LUC7L2: variants seen among roughly 807,000 people sequenced by gnomAD.
The protein encoded by LUC7L2 is putative RNA-binding protein Luc7-like 2.
LUC7L2 carries 25 observed loss-of-function variants against 52.8 expected under a neutral mutation model. That is an observed-to-expected ratio of 0.47 (90% CI 0.34 to 0.66). The LOEUF (loss-of-function observed/expected upper bound fraction) is 0.66. LUC7L2 is among the 30% of genes least tolerant of loss of function. The pLI is 0.01. For missense variants in LUC7L2, 328 were observed against 497.8 expected, an observed-to-expected ratio of 0.66 and a Z score of 3.25; for synonymous variants, 144 against 160.9, an observed-to-expected ratio of 0.89 and a Z score of 0.80.
chr7:139,388,416 G>C (rs1351089769), intron 2 of LUC7L2, among the ~76,000 whole-genome samples: 1 of 151,946 alleles, frequency 6.6e-6, no homozygotes. Context: ...ATTGGGAAGT[G>C]GTAGAAAAGC....
At chr7:139,415,704 A>T (rs535909755) in intron 8 of LUC7L2, among the ~76,000 whole-genome samples, 1 of 150,598 alleles carries the variant, frequency 6.6e-6, no homozygotes, top group South Asian at 2.1e-4. Context: ...TATGTTGCTC[A>T]GGCTGGTCTT....
intron 2 of LUC7L2, among the ~76,000 whole-genome samples, chr7:139,390,341 A>G (rs551269841): frequency 9.9e-5 from 15 of 150,812 alleles, no homozygotes; most frequent in Non-Finnish European, 1.6e-4. Flanking sequence ...ACTCACCACA[A>G]CCTCTGCCTC....
chr7:139,373,472 T>C (rs1800556101), intron 1 of LUC7L2, among the ~76,000 whole-genome samples: 1 of 152,228 alleles, frequency 6.6e-6, no homozygotes, highest in Admixed American at 6.5e-5. Context: ...CAAATATTTA[T>C]GGAGCACCCA....
chr7:139,359,568 T>C (rs1210877320), upstream of LUC7L2: 2 of 360,050 alleles, frequency 5.6e-6, no homozygotes, highest in Non-Finnish European at 9.9e-6. Flanking sequence ...CTCTACTTAC[T>C]TTCCGCCCAG....
chr7:139,421,895 C>T (rs1321750900), intron 9 of LUC7L2, among the ~76,000 whole-genome samples: 1 of 151,874 alleles, frequency 6.6e-6, no homozygotes, highest in East Asian at 1.9e-4. Context: ...ATTGGAGAAA[C>T]TCTGTGTTGT....
In LUC7L2 at chr7:139,348,229, G is replaced by T. The variant is rs1799333062; in HGVS notation, c.-26+7712G>T. 4.0e-5 allele frequency among the ~76,000 whole-genome samples: 6 copies of T among 148,352 alleles called. No homozygotes were observed. The South Asian group carries it at 1.3e-3, about 32-fold the overall frequency. On this transcript the variant is annotated intron_variant, in intron 1 of 10. Coordinates refer to the LUC7L2 transcript ENST00000541170. The stretch of plus-strand genomic sequence containing the variant: ...TCCTTTTTTTTTTAATAGAGATGGG[G>T]GTCTCACTGTGTTGCCCAGGTTGGT...
At chr7:139,392,685 C>T (rs995613195) in intron 2 of LUC7L2, 7 of 194,330 alleles carry the variant, frequency 3.6e-5, no homozygotes, top group South Asian at 6.9e-5. Context: ...GATGGAGTTT[C>T]GCTCTTGTTG....
At chr7:139,422,058 C>T (rs1047284502) in intron 9 of LUC7L2, 105 bp from the exon 10 acceptor site, 26 of 1,447,226 alleles carry the variant, frequency 1.8e-5, no homozygotes, top group Middle Eastern at 2.3e-4. Flanking sequence ...TGGGTATATT[C>T]GTCTATATAT....
chr7:139,376,200 A>C (rs780906148), intron 2 of LUC7L2, 44 bp downstream of exon 2: 15 of 1,585,124 alleles, frequency 9.5e-6, no homozygotes, highest in Non-Finnish European at 1.3e-5. Context: ...GATATGCTGC[A>C]GTAATGAACT....
intron 2 of LUC7L2, 119 bp from the exon 3 acceptor site, chr7:139,398,480 C>T: frequency 1.5e-6 from 1 of 669,546 alleles, no homozygotes; most frequent in Non-Finnish European, 2.3e-6. Flanking sequence ...AATTTGGAAG[C>T]CCCTACATAA....
chr7:139,356,660 G>A (rs935580375), upstream of LUC7L2, among the ~76,000 whole-genome samples: 1 of 151,782 alleles, frequency 6.6e-6, no homozygotes, highest in African/African-American at 2.4e-5. Context: ...AGTGTTGTAG[G>A]CCACACAGTA....
intron 1 of LUC7L2, chr7:139,375,747 T>G: frequency 2.6e-6 from 1 of 381,144 alleles, no homozygotes; most frequent in Non-Finnish European, 3.8e-6. Context: ...TCATCTGCAA[T>G]ATGAAGGAGT....
chr7:139,413,555 A>C (rs1417280282), intron 8 of LUC7L2, among the ~76,000 whole-genome samples: 1 of 152,232 alleles, frequency 6.6e-6, no homozygotes, highest in Non-Finnish European at 1.5e-5. Flanking sequence ...AGGCAGCCAG[A>C]TCACCTGAAG....
intron 4 of LUC7L2, 129 bp from the exon 5 acceptor site, chr7:139,405,515 G>A (rs771098102): frequency 1.0e-5 from 12 of 1,192,980 alleles, no homozygotes; most frequent in African/African-American, 1.6e-5. Flanking sequence ...TTTGGGATAC[G>A]CTCAGAAAGC....
intron 1 of LUC7L2, chr7:139,340,711 C>CT: frequency 2.6e-6 from 1 of 390,096 alleles, no homozygotes; most frequent in Non-Finnish European, 4.5e-6. Context: ...CCCCAGTGGC[C>CT]TAATGGATAA....
chr7:139,351,820 T>A (rs1004224220), intron 1 of LUC7L2, among the ~76,000 whole-genome samples: 10 of 152,340 alleles, frequency 6.6e-5, no homozygotes, highest in Middle Eastern at 3.4e-3. Flanking sequence ...GGATTTCAGG[T>A]TAAATTTCAC....
chr7:139,371,887 G>A (rs910583556), intron 1 of LUC7L2, among the ~76,000 whole-genome samples: 2 of 152,266 alleles, frequency 1.3e-5, no homozygotes, highest in African/African-American at 4.8e-5. Context: ...TGAATAATAT[G>A]CATCCTCATT....
chr7:139,399,368 T>G (rs1794795482), intron 3 of LUC7L2, among the ~76,000 whole-genome samples: 1 of 151,778 alleles, frequency 6.6e-6, no homozygotes, highest in Non-Finnish European at 1.5e-5. Context: ...AAACGTGCAT[T>G]CATGGATTTT....
chr7:139,358,360 A>G (rs1484101870), upstream of LUC7L2, among the ~76,000 whole-genome samples: 1 of 152,176 alleles, frequency 6.6e-6, no homozygotes, highest in African/African-American at 2.4e-5. Flanking sequence ...CATGTTTTTT[A>G]TTGATCTGCT....
Sources: allele counts gnomAD v4.1 joint callset (sites outside exome capture counted in the v4.1 genomes callset), GRCh38; gene constraint gnomAD v4.1.1; transcripts MANE v1.5; gene names NCBI Gene and HGNC (gene_info 2026-07-23, HGNC 2026-07-21).